Variants in PRRX1 observed in about 807,000 individuals in gnomAD.
The protein encoded by PRRX1 is paired mesoderm homeobox protein 1.
Under a neutral mutation model 24.0 loss-of-function variants are expected in PRRX1, and 8 were observed. The observed-to-expected ratio is 0.33, with a 90% CI of 0.20 to 0.60. PRRX1 has a LOEUF of 0.60. Among genes scored for constraint, PRRX1 ranks in the 20% least tolerant of loss-of-function variants. The pLI, the probability that PRRX1 is intolerant of heterozygous loss-of-function variation, is 0.82. For missense variants in PRRX1, 281 were observed against 322.4 expected (o/e 0.87, Z 0.98); for synonymous variants, 160 against 131.7 (o/e 1.22, Z -1.47).
intron 1 of PRRX1, among the ~76,000 whole-genome samples, chr1:170,718,491 C>A (rs962717490): frequency 6.6e-6 from 1 of 152,186 alleles, no homozygotes; most frequent in Non-Finnish European, 1.5e-5. Flanking sequence ...CAGAGAGAAT[C>A]AGGAGAATTT....
chr1:170,707,262 C>T (rs1215693025), intron 1 of PRRX1, among the ~76,000 whole-genome samples: 15 of 152,054 alleles, frequency 9.9e-5, no homozygotes, highest in Admixed American at 9.8e-4. Flanking sequence ...ATGATATCAT[C>T]AGGGAAAGTA....
At chr1:170,696,638 A>G (rs926993599) in intron 1 of PRRX1, among the ~76,000 whole-genome samples, 1 of 152,208 alleles carries the variant, frequency 6.6e-6, no homozygotes, top group Non-Finnish European at 1.5e-5. Flanking sequence ...AAACCTATAA[A>G]ATTTTAAAGG....
chr1:170,667,036 T>C (rs530019321), intron 1 of PRRX1, among the ~76,000 whole-genome samples: 11 of 152,120 alleles, frequency 7.2e-5, no homozygotes, highest in South Asian at 4.2e-4. Context: ...CCGGGCGGAA[T>C]TGGGGACTGT....
intron 1 of PRRX1, among the ~76,000 whole-genome samples, chr1:170,689,710 C>G (rs1291563513): frequency 6.6e-6 from 1 of 151,796 alleles, no homozygotes; most frequent in East Asian, 1.9e-4. Context: ...TTTTGGGCAC[C>G]AGGTGGCGAT....
intron 1 of PRRX1, among the ~76,000 whole-genome samples, chr1:170,717,463 T>C (rs1654941144): frequency 6.6e-6 from 1 of 152,234 alleles, no homozygotes; most frequent in South Asian, 2.1e-4. Flanking sequence ...TAATTTGTGG[T>C]TGCACCTAAG....
chr1:170,704,781 A>G (rs1654503828), intron 1 of PRRX1, among the ~76,000 whole-genome samples: 1 of 152,156 alleles, frequency 6.6e-6, no homozygotes, highest in African/African-American at 2.4e-5. Flanking sequence ...CCAAATCTTC[A>G]ATATTAGTCT....
chr1:170,682,404 C>G (rs1051437373), intron 1 of PRRX1, among the ~76,000 whole-genome samples: 1 of 109,712 alleles, frequency 9.1e-6, no homozygotes, highest in African/African-American at 2.9e-5. Context: ...TAGAGTTCCC[C>G]GTAAGGAAGA....
chr1:170,718,699 C>T (rs552928192), intron 1 of PRRX1, among the ~76,000 whole-genome samples: 2 of 152,278 alleles, frequency 1.3e-5, no homozygotes, highest in South Asian at 4.1e-4. Context: ...TTGCAAATCT[C>T]TGGGACCTAC....
intron 3 of PRRX1, among the ~76,000 whole-genome samples, chr1:170,729,529 C>T (rs1655362953): frequency 6.6e-6 from 1 of 152,132 alleles, no homozygotes; most frequent in African/African-American, 2.4e-5. Flanking sequence ...CATCCAGAGT[C>T]ATGGATGTGT....
chr1:170,672,893 T>C (rs1483041806), intron 1 of PRRX1, among the ~76,000 whole-genome samples: 1 of 152,206 alleles, frequency 6.6e-6, no homozygotes, highest in Non-Finnish European at 1.5e-5. Context: ...TCTACTCCCC[T>C]TTCTTTGGTA....
At chr1:170,720,004 A>T (rs1028855572) in intron 2 of PRRX1, 103 bp downstream of exon 2, 1 of 1,439,408 alleles carries the variant, frequency 6.9e-7, no homozygotes. Context: ...ACAGTGGCTC[A>T]TGCCTGCAAT....
intron 1 of PRRX1, among the ~76,000 whole-genome samples, chr1:170,689,882 G>C (rs1653878800): frequency 6.7e-6 from 1 of 149,530 alleles, no homozygotes; most frequent in African/African-American, 2.5e-5. Flanking sequence ...CTCTGTGGGT[G>C]TGTGTGTGTG....
intron 1 of PRRX1, among the ~76,000 whole-genome samples, chr1:170,704,390 A>G (rs1654493533): frequency 6.6e-6 from 1 of 152,222 alleles, no homozygotes; most frequent in East Asian, 1.9e-4. Context: ...TCTAAAGTTC[A>G]AGAATCTCTA....
chr1:170,670,904 A>G (rs748145408), intron 1 of PRRX1, among the ~76,000 whole-genome samples: 1 of 152,208 alleles, frequency 6.6e-6, no homozygotes, highest in Non-Finnish European at 1.5e-5. Flanking sequence ...AGATATAGGA[A>G]TAAGGGTCTG....
intron 3 of PRRX1, among the ~76,000 whole-genome samples, chr1:170,735,605 A>C (rs1305999236): frequency 6.6e-6 from 1 of 152,212 alleles, no homozygotes; most frequent in African/African-American, 2.4e-5. Flanking sequence ...TCTAGAGTGA[A>C]GGAGCAAAAT....
At chr1:170,689,998 T>C (rs1048350431) in intron 1 of PRRX1, among the ~76,000 whole-genome samples, 14 of 151,850 alleles carry the variant, frequency 9.2e-5, no homozygotes, top group Admixed American at 2.6e-4. Flanking sequence ...TCCTCATCTG[T>C]ATGAAACACT....
chr1:170,686,105 A>G (rs1346317959), intron 1 of PRRX1, among the ~76,000 whole-genome samples: 2 of 150,216 alleles, frequency 1.3e-5, no homozygotes, highest in Admixed American at 1.3e-4. Flanking sequence ...TTTCACCAGC[A>G]TTAAGCTCAC....
At chr1:170,668,539 A>T (rs548397230) in intron 1 of PRRX1, 57 of 152,332 alleles carry the variant, frequency 3.7e-4, no homozygotes, top group African/African-American at 1.3e-3. Context: ...AATACAAAAC[A>T]GCGACGCGGG....
chr1:170,677,775 C>T (rs1231744144), intron 1 of PRRX1, among the ~76,000 whole-genome samples: 2 of 152,130 alleles, frequency 1.3e-5, no homozygotes, highest in Admixed American at 6.5e-5. Context: ...CCTCTCTCAG[C>T]GTGAAACAAT....
Sources: allele counts gnomAD v4.1 joint callset (sites outside exome capture counted in the v4.1 genomes callset), GRCh38; gene constraint gnomAD v4.1.1; transcripts MANE v1.5; gene names NCBI Gene and HGNC (gene_info 2026-07-23, HGNC 2026-07-21).